The following ANKAR variants were observed in gnomAD, a reference collection of about 807,000 sequenced individuals.
ANKAR encodes ankyrin and armadillo repeat containing.
A neutral mutation model predicts 146.2 loss-of-function variants in ANKAR; 136 were observed. That is an observed-to-expected ratio of 0.93 (90% confidence interval 0.81 to 1.07). The LOEUF (loss-of-function observed/expected upper bound fraction) is 1.07. ANKAR is among the 50% of genes least tolerant of loss of function. The pLI is 0.00. For synonymous variants in ANKAR, 500 were observed against 575.8 expected, an observed-to-expected ratio of 0.87 and a Z score of 1.88; for missense variants, 1,567 against 1,679.9, an observed-to-expected ratio of 0.93 and a Z score of 1.18.
At chr2:189,693,012 A>C in intron 4 of ANKAR, 62 bp from the exon 5 acceptor site, 1 of 886,132 alleles carries the variant, frequency 1.1e-6, no homozygotes, top group Non-Finnish European at 1.7e-6. Flanking sequence ...CATACAAAGA[A>C]TTCTTATAAT....
chr2:189,737,376 C>T (rs1031942115), intron 17 of ANKAR, among the ~76,000 whole-genome samples: 1 of 144,062 alleles, frequency 6.9e-6, no homozygotes, highest in African/African-American at 2.6e-5. Context: ...CCTATTCTTC[C>T]TTAAAATATA....
chr2:189,734,356 A>C (rs1025193693), intron 17 of ANKAR, among the ~76,000 whole-genome samples: 3 of 152,098 alleles, frequency 2.0e-5, no homozygotes, highest in African/African-American at 7.2e-5. Flanking sequence ...GGCAATTAAA[A>C]AAATTCCCTT....
intron 2 of ANKAR, 87 bp downstream of exon 2, chr2:189,677,178 T>C (rs1237208320): frequency 1.5e-6 from 2 of 1,346,454 alleles, no homozygotes; most frequent in Non-Finnish European, 2.0e-6. Context: ...CACGAACCCC[T>C]GAGCTCAAGC....
chr2:189,678,332 G>A (rs986911192), intron 2 of ANKAR, among the ~76,000 whole-genome samples: 1 of 152,002 alleles, frequency 6.6e-6, no homozygotes, highest in African/African-American at 2.4e-5. Flanking sequence ...GGTAGATTCC[G>A]GATATTAGTC....
chr2:189,762,322 T>G (rs73050376), downstream of ANKAR, among the ~76,000 whole-genome samples: 5,132 of 152,240 alleles, frequency 0.034, 291 homozygotes, highest in African/African-American at 0.12. Flanking sequence ...CCTAATTTTA[T>G]GCCCCCAGAT....
At chr2:189,717,248 AAAAC>A (rs1293518019) in intron 10 of ANKAR, among the ~76,000 whole-genome samples, 2 of 151,820 alleles carry the variant, frequency 1.3e-5, no homozygotes, top group Non-Finnish European at 1.5e-5. Context: ...TTACAAGAAA[AAAAC>A]AACCCCATCA....
intron 12 of ANKAR, among the ~76,000 whole-genome samples, chr2:189,721,233 G>A (rs186587143): frequency 2.6e-4 from 40 of 152,182 alleles, no homozygotes; most frequent in Middle Eastern, 3.4e-3. Context: ...TGATCTACCC[G>A]ACTCAGCCTC....
intron 17 of ANKAR, among the ~76,000 whole-genome samples, chr2:189,734,283 A>C (rs1035297260): frequency 4.6e-5 from 7 of 152,232 alleles, no homozygotes; most frequent in Non-Finnish European, 7.3e-5. Context: ...CTTGCATCAC[A>C]CTTTTGCTCA....
chr2:189,680,108 G>C (rs2034420730), intron 2 of ANKAR, among the ~76,000 whole-genome samples: 1 of 151,922 alleles, frequency 6.6e-6, no homozygotes, highest in Admixed American at 6.6e-5. Flanking sequence ...ATTTTTTATT[G>C]TTTCAAGCTC....
chr2:189,734,516 A>T (rs945217030), intron 17 of ANKAR, among the ~76,000 whole-genome samples: 2 of 152,200 alleles, frequency 1.3e-5, no homozygotes, highest in African/African-American at 4.8e-5. Context: ...TACCCTAAGG[A>T]AATGAGAGCT....
intron 18 of ANKAR, among the ~76,000 whole-genome samples, chr2:189,759,566 T>C (rs560054410): frequency 6.4e-4 from 98 of 152,202 alleles, no homozygotes; most frequent in Non-Finnish European, 1.2e-3. Context: ...CCTATTTTAC[T>C]GATGTGAAAA....
At chr2:189,677,902 T>C (rs938324885) in intron 2 of ANKAR, among the ~76,000 whole-genome samples, 1 of 152,212 alleles carries the variant, frequency 6.6e-6, no homozygotes, top group Non-Finnish European at 1.5e-5. Context: ...TAAACATGCA[T>C]GTGCAAGTGT....
Position 189,677,047 on chromosome 2 carries a change from A to G in ANKAR, c.557A>G (p.Lys186Arg). 1 of 1,588,880 alleles carries G rather than the reference A, an allele frequency of 6.3e-7. No homozygotes were observed. The highest frequency in any genetic ancestry group is 8.5e-7 in the Non-Finnish European group (1 of 1,171,850). The change falls in exon 2 of 23, where the codon AAA (lysine) becomes AGA (arginine). Residue 186 changes from lysine to arginine, a missense_variant. Physicochemically the swap from Lys to Arg is conservative, Grantham distance 26. Transcript: ENST00000684021. ...RAIMDIDPDG[K>R]PQTNKDIFSE... ...ATCATGGACATTGATCCTGATGGAAAACCTCAAACAAATAAAGACATTTTT... is the reference window on the plus strand; with the variant it reads ...ATCATGGACATTGATCCTGATGGAAGACCTCAAACAAATAAAGACATTTTT...
intron 17 of ANKAR, among the ~76,000 whole-genome samples, 154 bp downstream of exon 17, chr2:189,733,383 A>G (rs2042580752): frequency 6.6e-6 from 1 of 152,200 alleles, no homozygotes; most frequent in South Asian, 2.1e-4. Context: ...GTTTGTAATG[A>G]TGTAATAATA....
chr2:189,675,063 G>A (rs2033307478), intron 1 of ANKAR, among the ~76,000 whole-genome samples: 1 of 152,148 alleles, frequency 6.6e-6, no homozygotes, highest in Non-Finnish European at 1.5e-5. Context: ...GCCCAAACCA[G>A]CACTATCAGC....
At chr2:189,745,178 G>A (rs2043968836) in intron 22 of ANKAR, among the ~76,000 whole-genome samples, 1 of 151,734 alleles carries the variant, frequency 6.6e-6, no homozygotes, top group Non-Finnish European at 1.5e-5. Flanking sequence ...GTGACAGAGT[G>A]AGACTCTGTC....
intron 22 of ANKAR, 145 bp from the exon 23 acceptor site, chr2:189,746,235 C>T (rs2105919088): frequency 1.0e-6 from 1 of 971,654 alleles, no homozygotes; most frequent in East Asian, 2.8e-5. Flanking sequence ...ATTTTTGGCC[C>T]CTGACATCTA....
intron 20 of ANKAR, among the ~76,000 whole-genome samples, chr2:189,743,031 T>C (rs1445783557): frequency 1.4e-5 from 2 of 145,212 alleles, no homozygotes; most frequent in Admixed American, 1.4e-4. Flanking sequence ...TTTTAAACAC[T>C]CCAGGTGGTT....
At chr2:189,678,959 G>A (rs765210009) in intron 2 of ANKAR, among the ~76,000 whole-genome samples, 17 of 152,074 alleles carry the variant, frequency 1.1e-4, no homozygotes, top group Non-Finnish European at 2.5e-4. Flanking sequence ...AGTTCTGTGA[G>A]GAATGATGAT....
Sources: gnomAD v4.1 joint callset for allele counts (sites outside exome capture counted in the v4.1 genomes callset) on GRCh38, gnomAD v4.1.1 for gene constraint, MANE v1.5 for transcripts, NCBI Gene and HGNC (gene_info 2026-07-23, HGNC 2026-07-21) for gene names.